Variants in ADGRL2 observed in about 807,000 individuals in gnomAD.
ADGRL2 encodes adhesion G protein-coupled receptor L2.
ADGRL2 carries 44 observed loss-of-function variants against 157.4 expected under a neutral mutation model. The observed-to-expected ratio is 0.28, with a 90% confidence interval of 0.22 to 0.36. The LOEUF (loss-of-function observed/expected upper bound fraction) is 0.36, where lower values mean the gene tolerates loss of function less well. ADGRL2 is among the 10% of genes least tolerant of loss of function. ADGRL2 has a pLI of 1.00. For synonymous variants in ADGRL2, 585 were observed against 624.7 expected, an observed-to-expected ratio of 0.94 and a Z score of 0.95; for missense variants, 1,510 against 1,768.9, an observed-to-expected ratio of 0.85 and a Z score of 2.63.
chr1:81,575,720 AAT>A (rs1378265775), intron 2 of ADGRL2, among the ~76,000 whole-genome samples: 2 of 152,088 alleles, frequency 1.3e-5, no homozygotes, highest in African/African-American at 4.8e-5. Flanking sequence ...CATTAATGTA[AAT>A]ATAGGAATAT....
Position 81,748,404 on chromosome 1 carries a change from G to A in ADGRL2, c.-142-13407G>A, listed in dbSNP as rs2085374671. Among the ~76,000 whole-genome samples, 3 of 148,258 alleles carry A rather than the reference G, an allele frequency of 2.0e-5. No homozygotes were observed. The South Asian group carries it at 6.4e-4, about 32-fold the overall frequency. On this transcript the variant is annotated intron_variant, in intron 1 of 20. Coordinates refer to the ADGRL2 transcript ENST00000359929. ...GAATCGCTTGAACCCTGGTGGCAGAGGTTGCAGTGAGCTGAGATCGCGCCA... is the reference window on the plus strand; with the variant it reads ...GAATCGCTTGAACCCTGGTGGCAGAAGTTGCAGTGAGCTGAGATCGCGCCA...
At chr1:81,446,556 T>C (rs1407166549) in intron 2 of ADGRL2, among the ~76,000 whole-genome samples, 1 of 152,172 alleles carries the variant, frequency 6.6e-6, no homozygotes, top group Non-Finnish European at 1.5e-5. Flanking sequence ...TCTCCTCCAC[T>C]AGCAAAAACA....
At position 81,559,781 on chromosome 1, in the gene ADGRL2, G is replaced by A. The variant is rs116606616; in HGVS notation, c.-247-21095G>A. On this transcript the variant is annotated intron_variant, in intron 2 of 24. Transcript: ENST00000370721. ...TTATATTTTATTTGGTTCATCCAGG[G>A]GCATTATGCCAGGAGCATCTTCAGA... 2.3e-3 allele frequency among the ~76,000 whole-genome samples: 354 copies of A among 152,126 alleles called. 3 individuals are homozygous for A. Among genetic ancestry groups the A allele is most frequent in the African/African-American group, 7.8e-3 (325 of 41,522 alleles).
At chr1:81,520,121 T>C (rs2079277406) in intron 2 of ADGRL2, among the ~76,000 whole-genome samples, 2 of 152,132 alleles carry the variant, frequency 1.3e-5, no homozygotes, top group South Asian at 4.1e-4. Flanking sequence ...AAGCAAATGA[T>C]GAGAATGACA....
chr1:81,344,682 A>AAAAT (rs1662345135), intron 1 of ADGRL2, among the ~76,000 whole-genome samples: 1 of 147,116 alleles, frequency 6.8e-6, no homozygotes, highest in Non-Finnish European at 1.5e-5. Context: ...AAAAAAAAAA[A>AAAAT]AAAAAAAAGC....
At chr1:81,384,987 C>T (rs2076410302) in intron 1 of ADGRL2, among the ~76,000 whole-genome samples, 1 of 152,114 alleles carries the variant, frequency 6.6e-6, no homozygotes, top group Admixed American at 6.5e-5. Context: ...ACCTAATTGC[C>T]ACCATAACCT....
chr1:81,615,914 T>C (rs2148687933), intron 3 of ADGRL2, among the ~76,000 whole-genome samples: 1 of 152,286 alleles, frequency 6.6e-6, no homozygotes, highest in African/African-American at 2.4e-5. Context: ...AGAGGGTGAT[T>C]CTATTATAGA....
chr1:81,592,833 C>CAT (rs2081158670), intron 3 of ADGRL2, among the ~76,000 whole-genome samples: 2 of 151,902 alleles, frequency 1.3e-5, no homozygotes, highest in African/African-American at 2.4e-5. Flanking sequence ...GAAGAGCTTT[C>CAT]ATATTCCTTA....
intron 1 of ADGRL2, among the ~76,000 whole-genome samples, chr1:81,324,181 T>C (rs560895205): frequency 2.5e-4 from 38 of 152,106 alleles, no homozygotes; most frequent in African/African-American, 8.0e-4. Flanking sequence ...GCGGAGGAGA[T>C]GGAGACTGAA....
intron 2 of ADGRL2, among the ~76,000 whole-genome samples, chr1:81,471,739 G>A (rs1191321020): frequency 1.3e-5 from 2 of 152,148 alleles, no homozygotes; most frequent in Non-Finnish European, 2.9e-5. Context: ...TACTTAACTT[G>A]TGGAAACAGC....
intron 1 of ADGRL2, among the ~76,000 whole-genome samples, chr1:81,755,254 T>C (rs986649064): frequency 6.7e-6 from 1 of 149,558 alleles, no homozygotes; most frequent in Admixed American, 6.7e-5. Flanking sequence ...GGGTGATAAT[T>C]GTAGTATTTG....
At chr1:81,323,952 T>C (rs1332051081) in intron 1 of ADGRL2, among the ~76,000 whole-genome samples, 2 of 152,200 alleles carry the variant, frequency 1.3e-5, no homozygotes, top group Admixed American at 1.3e-4. Flanking sequence ...GCCGGATTGT[T>C]GTAGCTCTTT....
intron 1 of ADGRL2, among the ~76,000 whole-genome samples, chr1:81,754,688 C>CCCTCCCTT (rs1557623333): frequency 6.8e-6 from 1 of 147,062 alleles, no homozygotes; most frequent in Admixed American, 6.8e-5. Context: ...CTCCCTTCCT[C>CCCTCCCTT]CCTCCCTTCC....
In ADGRL2 at chr1:81,986,352, CT is replaced by C. The variant is rs1006883673; in HGVS notation, c.3509-541del. 2.4e-4 allele frequency among the ~76,000 whole-genome samples: 36 copies of C among 151,844 alleles called. 1 individual carries two copies. Among genetic ancestry groups the C allele is most frequent in the Non-Finnish European group, 5.0e-4 (34 of 67,920 alleles). ...ATGATCTAATAATTCATTTTATAGT[CT>C]TTTTTTTCTCAGCATGTGTGCTTTT... On this transcript the variant is annotated intron_variant, in intron 21 of 23. Transcript: ENST00000686636.
At chr1:81,617,296 T>C (rs1201675272) in intron 3 of ADGRL2, among the ~76,000 whole-genome samples, 1 of 152,060 alleles carries the variant, frequency 6.6e-6, no homozygotes, top group Non-Finnish European at 1.5e-5. Flanking sequence ...TGCCTGATGA[T>C]CTGAGGTGGA....
chr1:81,836,896 A>G lies in ADGRL2; in HGVS notation c.-89A>G. 1 of 722,434 alleles carries G rather than the reference A, an allele frequency of 1.4e-6. No individual in the cohort carries two copies. The highest frequency in any genetic ancestry group is 2.4e-6 in the Non-Finnish European group (1 of 424,762). The allele number at this position is 722,434 out of a possible 1,614,324, so 44.8% of individuals were successfully genotyped here. On this transcript the variant is annotated 5_prime_UTR_variant, in exon 2 of 24. Transcript: ENST00000686636. ...TGTTTGTTTTTCAGATATGAAGATC[A>G]ATGATGCAGACTGATGGTTTTGATG...
In ADGRL2 at chr1:81,655,428, A is replaced by T. The variant is rs186911504; in HGVS notation, c.-143+74448A>T. ...AGTGTGGGAATGGGAATTCAAACCC[A>T]CATATGTCAGACTCCAAAGCCCACA... On this transcript the variant is annotated intron_variant, in intron 3 of 24. Transcript: ENST00000370721. Among the ~76,000 whole-genome samples the T allele has an allele frequency of 1.8e-4, 27 of 152,270 alleles. 1 individual carries two copies. The East Asian group carries it at 5.0e-3, about 28-fold the overall frequency.
At chr1:81,566,075 C>T (rs2080553708) in intron 2 of ADGRL2, among the ~76,000 whole-genome samples, 1 of 152,192 alleles carries the variant, frequency 6.6e-6, no homozygotes, top group African/African-American at 2.4e-5. Flanking sequence ...CTACAGAAAG[C>T]ACATATTCTA....
At chr1:81,325,762 C>T (rs1041475063) in intron 1 of ADGRL2, among the ~76,000 whole-genome samples, 4 of 145,598 alleles carry the variant, frequency 2.7e-5, no homozygotes, top group African/African-American at 9.8e-5. Context: ...CCAGCACTCC[C>T]AGACAATCAA....
Sources: gnomAD v4.1 joint callset for allele counts (sites outside exome capture counted in the v4.1 genomes callset) on GRCh38, gnomAD v4.1.1 for gene constraint, MANE v1.5 for transcripts, NCBI Gene and HGNC (gene_info 2026-07-23, HGNC 2026-07-21) for gene names.